CPNE8: variants seen among roughly 807,000 people sequenced by gnomAD.
CPNE8 encodes the protein copine 8.
A neutral mutation model predicts 81.5 loss-of-function variants in CPNE8; 45 were observed. That is an observed-to-expected ratio of 0.55 (90% confidence interval 0.44 to 0.71). The LOEUF (loss-of-function observed/expected upper bound fraction) is 0.71, where lower values mean the gene tolerates loss of function less well. CPNE8 is among the 30% of genes least tolerant of loss of function. CPNE8 has a pLI of 0.00. For missense variants in CPNE8, 594 were observed against 672.1 expected, an observed-to-expected ratio of 0.88 and a Z score of 1.28; for synonymous variants, 252 against 226.3, an observed-to-expected ratio of 1.11 and a Z score of -1.02.
intron 16 of CPNE8, among the ~76,000 whole-genome samples, chr12:38,682,814 T>C (rs1939440233): frequency 1.3e-5 from 2 of 152,152 alleles, no homozygotes; most frequent in African/African-American, 4.8e-5. Context: ...GCAGTACATT[T>C]GAGAGAATGT....
chr12:38,779,695 T>C (rs559117565), intron 6 of CPNE8, among the ~76,000 whole-genome samples: 1 of 152,108 alleles, frequency 6.6e-6, no homozygotes, highest in Non-Finnish European at 1.5e-5. Context: ...ATATCTCACA[T>C]TTAAAGTTTT....
intron 8 of CPNE8, among the ~76,000 whole-genome samples, chr12:38,763,526 T>C (rs1210201487): frequency 1.3e-5 from 2 of 152,222 alleles, no homozygotes; most frequent in African/African-American, 4.8e-5. Flanking sequence ...TTATCTAAAC[T>C]ATTGGTTCTA....
At chr12:38,857,439 C>A (rs961111435) in intron 3 of CPNE8, among the ~76,000 whole-genome samples, 6 of 145,894 alleles carry the variant, frequency 4.1e-5, no homozygotes, top group Non-Finnish European at 7.5e-5. Context: ...TTGCAAAGTA[C>A]AACTAAAAAC....
chr12:38,827,567 C>G (rs1159564300), intron 6 of CPNE8, among the ~76,000 whole-genome samples: 4 of 152,136 alleles, frequency 2.6e-5, no homozygotes, highest in African/African-American at 9.7e-5. Context: ...ATGGAATCAA[C>G]CTAAATGCCC....
chr12:38,708,259 T>A (rs1291765926), intron 13 of CPNE8, among the ~76,000 whole-genome samples: 1 of 152,110 alleles, frequency 6.6e-6, no homozygotes, highest in Non-Finnish European at 1.5e-5. Context: ...TAATACATAA[T>A]TTGTTATAAA....
At chr12:38,825,840 G>C (rs535875248) in intron 6 of CPNE8, among the ~76,000 whole-genome samples, 1 of 152,300 alleles carries the variant, frequency 6.6e-6, no homozygotes, top group Admixed American at 6.5e-5. Flanking sequence ...CACGTCACTA[G>C]GTGCCTTAAT....
Position 38,851,476 on chromosome 12 carries a change from G to A in CPNE8, c.187-2814C>T, listed in dbSNP as rs545958603. Among the ~76,000 whole-genome samples, 4 of 152,286 alleles carry A rather than the reference G, an allele frequency of 2.6e-5. No homozygotes were observed. In the South Asian group the frequency reaches 8.3e-4, roughly 32 times the overall value. On this transcript the variant is annotated intron_variant, in intron 3 of 19. Coordinates refer to ENST00000331366, the MANE Select transcript of CPNE8 (RefSeq NM_153634.3). ...CATAAATGAAAGTCATCAATCTCAA[G>A]TCTTTCTTTTTAATCTGCCAACTCC...
At chr12:38,676,335 A>C (rs1450454268) in intron 17 of CPNE8, 1 of 983,512 alleles carries the variant, frequency 1.0e-6, no homozygotes, top group African/African-American at 1.7e-5. Context: ...AGCCCTGGGT[A>C]AGATCAAATA....
intron 19 of CPNE8, among the ~76,000 whole-genome samples, chr12:38,657,733 C>G: frequency 6.6e-6 from 1 of 152,184 alleles, no homozygotes; most frequent in Admixed American, 6.5e-5. Context: ...GTTCTGCAGC[C>G]TCCACTGGTG....
intron 6 of CPNE8, among the ~76,000 whole-genome samples, chr12:38,783,201 G>A (rs1042246879): frequency 6.6e-6 from 1 of 152,090 alleles, no homozygotes; most frequent in Non-Finnish European, 1.5e-5. Flanking sequence ...GTGGAAGGCG[G>A]AGCAAGATGA....
intron 6 of CPNE8, among the ~76,000 whole-genome samples, chr12:38,794,821 G>C (rs1368931772): frequency 6.6e-6 from 1 of 152,132 alleles, no homozygotes; most frequent in Non-Finnish European, 1.5e-5. Context: ...TATTGTTGCT[G>C]GGAGTGTCTG....
At chr12:38,676,153 A>G in intron 17 of CPNE8, 1 of 489,108 alleles carries the variant, frequency 2.0e-6, no homozygotes, top group Non-Finnish European at 2.7e-6. Flanking sequence ...AATAATAATT[A>G]AGAAGCAAAT....
At chr12:38,889,378 A>C (rs183560447) in intron 1 of CPNE8, among the ~76,000 whole-genome samples, 1 of 152,332 alleles carries the variant, frequency 6.6e-6, no homozygotes, top group Admixed American at 6.5e-5. Flanking sequence ...TGAGATAACA[A>C]CGTGAGGCCA....
chr12:38,738,727 C>T (rs1941010657), intron 10 of CPNE8, among the ~76,000 whole-genome samples: 2 of 152,022 alleles, frequency 1.3e-5, no homozygotes, highest in African/African-American at 4.8e-5. Context: ...CTCCTTATTA[C>T]CATTCGGTAT....
intron 1 of CPNE8, among the ~76,000 whole-genome samples, chr12:38,875,039 A>G (rs1367212950): frequency 6.6e-6 from 1 of 152,188 alleles, no homozygotes; most frequent in Non-Finnish European, 1.5e-5. Flanking sequence ...GGAATTTAAG[A>G]TGAACATAGA....
At chr12:38,868,204 G>A (rs1943943223) in intron 3 of CPNE8, among the ~76,000 whole-genome samples, 1 of 151,912 alleles carries the variant, frequency 6.6e-6, no homozygotes, top group Non-Finnish European at 1.5e-5. Context: ...TACCAAAATT[G>A]CTGAGAAAAT....
intron 13 of CPNE8, among the ~76,000 whole-genome samples, chr12:38,711,048 G>A (rs1021994349): frequency 2.6e-5 from 4 of 152,136 alleles, no homozygotes; most frequent in African/African-American, 4.8e-5. Context: ...CACAGAAATA[G>A]ATGATAAAAT....
intron 1 of CPNE8, among the ~76,000 whole-genome samples, chr12:38,889,537 G>T (rs1373423931): frequency 6.6e-6 from 1 of 152,012 alleles, no homozygotes; most frequent in Admixed American, 6.6e-5. Flanking sequence ...AAGAGATGAG[G>T]CTGAAAATTT....
At position 38,871,874 on chromosome 12, in the gene CPNE8, A is replaced by T. The variant is rs148321726; in HGVS notation, c.186+1130T>A. ...AAATGAGCTGGGCGTGGTGGCTCACACCTGTAATCCCAGCACTTTGGGAGG... is the reference window on the plus strand; with the variant it reads ...AAATGAGCTGGGCGTGGTGGCTCACTCCTGTAATCCCAGCACTTTGGGAGG... On this transcript the variant is annotated intron_variant, in intron 3 of 19. Coordinates refer to ENST00000331366, the MANE Select transcript of CPNE8 (RefSeq NM_153634.3). 3.0e-3 allele frequency among the ~76,000 whole-genome samples: 461 copies of T among 152,218 alleles called. 5 individuals carry two copies. The highest frequency in any genetic ancestry group is 0.01 in the African/African-American group (429 of 41,542).
Sources: allele counts gnomAD v4.1 joint callset (sites outside exome capture counted in the v4.1 genomes callset), GRCh38; gene constraint gnomAD v4.1.1; transcripts MANE v1.5; gene names NCBI Gene and HGNC (gene_info 2026-07-23, HGNC 2026-07-21).